Variants in POTEM observed in about 807,000 individuals in gnomAD.
The protein encoded by POTEM is POTE ankyrin domain family member M, also known as putative POTE ankyrin domain family member M.
For missense variants in POTEM, 24 were observed against 343.0 expected, an observed-to-expected ratio of 0.07 and a Z score of 7.35; for synonymous variants, 8 against 113.2, an observed-to-expected ratio of 0.07 and a Z score of 5.90.
Position 19,000,394 on chromosome 14 carries a change from A to AT in POTEM, c.*1735dup. ...TTTCATGCAAATTACGTAATGCAGA[A>AT]TTTTTTGAATCTTTGCCTAAATACT... On this transcript the variant is annotated 3_prime_UTR_variant, in exon 11 of 11. Transcript: ENST00000547889. 6.8e-6 allele frequency among the ~76,000 whole-genome samples: 1 copy of AT among 146,110 alleles called. No homozygotes were observed. The highest frequency in any genetic ancestry group is 1.5e-5 in the Non-Finnish European group (1 of 67,384).
chr14:18,968,863 T>C (rs1385709998), intron 1 of POTEM, among the ~76,000 whole-genome samples: 1,904 of 141,142 alleles, frequency 0.013, no homozygotes, highest in African/African-American at 0.036. Flanking sequence ...TTTATCACTT[T>C]TACTTAAGCC....
chr14:19,002,957 G>A lies in POTEM; in HGVS notation c.*4292G>A, dbSNP rs1465554456. ...ATAATTTCATGTCCAGCAAAATTAG[G>A]CATCATAAGTGAAGGAGAAATAAGA... On this transcript the variant is annotated 3_prime_UTR_variant, in exon 11 of 11. Coordinates refer to ENST00000547889, the MANE Select transcript of POTEM (RefSeq NM_001145442.1). 4.6e-5 allele frequency among the ~76,000 whole-genome samples: 7 copies of A among 152,190 alleles called. No homozygotes were observed. Among genetic ancestry groups the A allele is most frequent in the African/African-American group, 9.7e-5 (4 of 41,426 alleles).
intron 1 of POTEM, among the ~76,000 whole-genome samples, chr14:18,968,684 G>A (rs1482906010): frequency 3.6e-4 from 55 of 151,504 alleles, no homozygotes; most frequent in African/African-American, 1.3e-3. Flanking sequence ...TTAGCTGGAC[G>A]CGGTGGCAGG....
intron 6 of POTEM, among the ~76,000 whole-genome samples, chr14:18,984,611 T>TG (rs1211141990): frequency 1.0e-5 from 1 of 96,464 alleles, no homozygotes; most frequent in East Asian, 2.8e-4. Context: ...CCTGTTTATT[T>TG]GGGGAAAGAC....
chr14:18,981,416 T>C, intron 6 of POTEM, among the ~76,000 whole-genome samples: 1 of 61,020 alleles, frequency 1.6e-5, no homozygotes, highest in Admixed American at 1.3e-4. Context: ...ATTATTTTAC[T>C]ACTTTATTCA....
intron 7 of POTEM, among the ~76,000 whole-genome samples, chr14:18,986,283 G>T (rs1304294877): frequency 1.4e-5 from 2 of 140,368 alleles, no homozygotes; most frequent in Admixed American, 7.0e-5. Context: ...AGTAATCATG[G>T]CCAGTGATTG....
intron 3 of POTEM, among the ~76,000 whole-genome samples, chr14:18,973,415 TGCG>T (rs1890905412): frequency 2.1e-5 from 1 of 47,068 alleles, no homozygotes; most frequent in Non-Finnish European, 4.3e-5. Flanking sequence ...TTAATGCACT[TGCG>T]GTAAATACTT....
In POTEM at chr14:18,984,448, A is replaced by G. The variant is rs1448866807; in HGVS notation, c.1127-963A>G. Among the ~76,000 whole-genome samples the G allele has an allele frequency of 1.3e-4, 11 of 87,258 alleles. No homozygotes were observed. The South Asian group carries it at 3.4e-3, about 27-fold the overall frequency. 57.2% of individuals were successfully genotyped at this position (87,258 alleles called of 152,430 possible). On this transcript the variant is annotated intron_variant, in intron 6 of 10. Coordinates refer to ENST00000547889, the MANE Select transcript of POTEM (RefSeq NM_001145442.1). ...TCAATACAAATTTTCTGAGTAAAAC[A>G]AAGACTGTTTTTACAAAGATGATGT...
At chr14:18,985,826 A>G (rs1172295116) in intron 7 of POTEM, among the ~76,000 whole-genome samples, 9 of 143,086 alleles carry the variant, frequency 6.3e-5, no homozygotes, top group African/African-American at 2.5e-4. Flanking sequence ...AATGCCATGA[A>G]CCTGGGGGGT....
chr14:18,996,183 G>C (rs1338861166), intron 9 of POTEM, among the ~76,000 whole-genome samples: 2 of 151,726 alleles, frequency 1.3e-5, no homozygotes, highest in African/African-American at 4.9e-5. Context: ...TGAAATAAAA[G>C]TAAAATGGAA....
chr14:18,967,677 G>T lies in POTEM; in HGVS notation c.192G>T (p.Trp64Cys), dbSNP rs1455864707. 6.2e-7 allele frequency: 1 copy of T among 1,607,424 alleles called. No homozygotes were observed. Among genetic ancestry groups the T allele is most frequent in the Admixed American group, 1.7e-5 (1 of 59,432 alleles). ...CACTCAGGAGCAAGATGGGCAAGTG[G>T]TGCCGCCACTGCTTCCCCTGGTGCA... ...MKTLRSKMGKWCRHCFPWCRG... is the reference protein window; with the variant it reads ...MKTLRSKMGKCCRHCFPWCRG... The change falls in exon 1 of 11, where the codon TGG becomes TGT. Residue 64 changes from tryptophan to cysteine, a missense_variant. Coordinates refer to ENST00000547889, the MANE Select transcript of POTEM (RefSeq NM_001145442.1).
rs760568949 is a variant in POTEM at position 18,997,028 on chromosome 14, AT to A, written c.1410-5del. The A allele has an allele frequency of 1.1e-3, 644 of 609,348 alleles. No individual in the cohort carries two copies. The highest frequency in any genetic ancestry group is 1.4e-3 in the Non-Finnish European group (468 of 328,168). 37.7% of individuals were successfully genotyped at this position (609,348 alleles called of 1,614,324 possible). On this transcript the variant is annotated splice_polypyrimidine_tract_variant and intron_variant, in intron 9 of 10. Transcript: ENST00000547889. ...CACCTCCAGTATTTCATGAAAATTA[AT>A]TTTTTTTCTAGTGATGAACAAAATG...
chr14:18,975,528 TTAAA>T (rs201656637), intron 3 of POTEM, among the ~76,000 whole-genome samples: 12,142 of 115,160 alleles, frequency 0.11, 3 homozygotes, highest in African/African-American at 0.12. Context: ...TAAATAGATT[TTAAA>T]TAAATAAATG....
chr14:18,997,210 CTA>C (rs1339831506), intron 10 of POTEM, 51 bp downstream of exon 10: 42 of 518,422 alleles, frequency 8.1e-5, no homozygotes, highest in Middle Eastern at 4.9e-4. Flanking sequence ...TTTTTAAAAA[CTA>C]TGTATTTTGG....
intron 1 of POTEM, among the ~76,000 whole-genome samples, chr14:18,968,892 T>C (rs1292702373): frequency 2.0e-5 from 3 of 150,338 alleles, no homozygotes; most frequent in African/African-American, 7.3e-5. Context: ...ATAGCAGTTT[T>C]AGAGTTTTTA....
In POTEM at chr14:18,969,378, T is replaced by TAC. The variant is rs1235545430; in HGVS notation, c.521+1376_521+1377dup. On this transcript the variant is annotated intron_variant, in intron 1 of 10. Transcript: ENST00000547889. ...ATGTGTATATATATATATATATATA[T>TAC]ACACAAAATTTCTTTTTTTTTTTTG... 9.7e-4 allele frequency among the ~76,000 whole-genome samples: 104 copies of TAC among 107,394 alleles called. 1 individual carries two copies. The highest frequency in any genetic ancestry group is 1.3e-3 in the African/African-American group (34 of 26,246). 70.5% of individuals were successfully genotyped at this position (107,394 alleles called of 152,430 possible).
rs879708584 is a variant in POTEM at position 19,002,803 on chromosome 14, C to A, written c.*4138C>A. 0.033 allele frequency among the ~76,000 whole-genome samples: 4,431 copies of A among 135,054 alleles called. No individual in the cohort carries two copies. Among genetic ancestry groups the A allele is most frequent in the South Asian group, 0.055 (217 of 3,950 alleles). The allele number at this position is 135,054 out of a possible 152,430, so 88.6% of individuals were successfully genotyped here. ...CATACTGCAGCCCTTTATATGGAAA[C>A]TTCCTACATCACTTTGCTGTGTGTG... On this transcript the variant is annotated 3_prime_UTR_variant, in exon 11 of 11. Coordinates refer to ENST00000547889, the MANE Select transcript of POTEM (RefSeq NM_001145442.1).
Position 19,002,889 on chromosome 14 carries a change from C to G in POTEM, c.*4224C>G, listed in dbSNP as rs1225922241. Among the ~76,000 whole-genome samples the G allele has an allele frequency of 6.6e-6, 1 of 152,294 alleles. No homozygotes were observed. The highest frequency in any genetic ancestry group is 1.5e-5 in the Non-Finnish European group (1 of 68,046). On this transcript the variant is annotated 3_prime_UTR_variant, in exon 11 of 11. Transcript: ENST00000547889. ...AGCACACAGGAGGGCAGCACACACCCCAACCCACATCAACTGCCATTAAAG... is the reference window on the plus strand; with the variant it reads ...AGCACACAGGAGGGCAGCACACACCGCAACCCACATCAACTGCCATTAAAG...
At position 18,980,188 on chromosome 14, in the gene POTEM, AC is replaced by A. The variant is rs1174527001; in HGVS notation, c.1126+46del. On this transcript the variant is annotated intron_variant, in intron 6 of 10. Coordinates refer to ENST00000547889, the MANE Select transcript of POTEM (RefSeq NM_001145442.1). ...AATTACTTTAGGTTAGTTTTCCCCA[AC>A]CTTTTTGGCACCAGGGACCGGTTTT... 11 of 998,690 alleles carry A rather than the reference AC, an allele frequency of 1.1e-5. No individual in the cohort carries two copies. The East Asian group carries it at 3.0e-4, about 27-fold the overall frequency. The allele number at this position is 998,690 out of a possible 1,614,324, so 61.9% of individuals were successfully genotyped here.
Sources: allele counts gnomAD v4.1 joint callset (sites outside exome capture counted in the v4.1 genomes callset), GRCh38; gene constraint gnomAD v4.1.1; transcripts MANE v1.5; gene names NCBI Gene and HGNC (gene_info 2026-07-23, HGNC 2026-07-21).